Variants in DPP6 observed in about 807,000 individuals in gnomAD.
The protein encoded by DPP6 is dipeptidyl peptidase like 6.
DPP6 carries 69 observed loss-of-function variants against 122.6 expected under a neutral mutation model. That is an observed-to-expected ratio of 0.56 (90% confidence interval 0.46 to 0.69). The LOEUF (loss-of-function observed/expected upper bound fraction) is 0.69, where lower values mean the gene tolerates loss of function less well. DPP6 is among the 30% of genes least tolerant of loss of function. DPP6 has a pLI of 0.00. For synonymous variants in DPP6, 418 were observed against 433.1 expected, an observed-to-expected ratio of 0.97 and a Z score of 0.43; for missense variants, 928 against 1,116.9, an observed-to-expected ratio of 0.83 and a Z score of 2.41.
chr7:153,884,578 CAT>C (rs1475756502), upstream of DPP6, among the ~76,000 whole-genome samples: 8 of 152,226 alleles, frequency 5.3e-5, no homozygotes, highest in Non-Finnish European at 7.3e-5. Context: ...CACATGCACA[CAT>C]ATGTTTATTG....
chr7:154,824,251 T>C (rs1799990514), intron 16 of DPP6, among the ~76,000 whole-genome samples: 2 of 53,622 alleles, frequency 3.7e-5, no homozygotes, highest in Admixed American at 3.7e-4. Context: ...GGAATGTTTT[T>C]GTTGTTGTTG....
At chr7:154,722,426 A>G (rs1193849232) in intron 7 of DPP6, among the ~76,000 whole-genome samples, 1 of 152,200 alleles carries the variant, frequency 6.6e-6, no homozygotes, top group Non-Finnish European at 1.5e-5. Context: ...CTAACCCTGA[A>G]TCATGGGACC....
At chr7:154,826,578 C>G (rs1309323917) in intron 16 of DPP6, among the ~76,000 whole-genome samples, 1 of 152,202 alleles carries the variant, frequency 6.6e-6, no homozygotes, top group Non-Finnish European at 1.5e-5. Flanking sequence ...TTTCTATGTG[C>G]TAGAGCTACA....
chr7:154,771,397 G>A (rs904721846), intron 9 of DPP6, among the ~76,000 whole-genome samples: 19 of 152,286 alleles, frequency 1.2e-4, no homozygotes, highest in South Asian at 2.1e-4. Context: ...CCGCCTTCTC[G>A]CCATGTCTTC....
At chr7:154,470,817 C>G (rs949837131) in intron 2 of DPP6, among the ~76,000 whole-genome samples, 1 of 152,186 alleles carries the variant, frequency 6.6e-6, no homozygotes, top group Non-Finnish European at 1.5e-5. Context: ...GGGATGAAAT[C>G]CAAACAGTGA....
rs138553815 is a variant in DPP6, at chr7:154,150,985, GA to G, written c.243+97923del. ...TTCCTAGATAGCTGCTTCCTGCCGG[GA>G]CTCCGTGATCTTGTCTGCAATGGGT... On this transcript the variant is annotated intron_variant, in intron 1 of 25. Transcript: ENST00000377770. Among the ~76,000 whole-genome samples the G allele has an allele frequency of 8.4e-3, 1,281 of 152,246 alleles. 18 individuals carry two copies. The highest frequency in any genetic ancestry group is 0.029 in the African/African-American group (1,193 of 41,542).
chr7:154,016,561 G>A (rs1320740187), intron 1 of DPP6, among the ~76,000 whole-genome samples: 11 of 152,188 alleles, frequency 7.2e-5, no homozygotes, highest in African/African-American at 2.2e-4. Flanking sequence ...CCAGGAATTC[G>A]AGACCAGCTT....
intron 10 of DPP6, among the ~76,000 whole-genome samples, chr7:154,777,555 T>C (rs1796659096): frequency 1.3e-5 from 2 of 152,188 alleles, no homozygotes; most frequent in Admixed American, 1.3e-4. Context: ...CCAGCTGCAC[T>C]GATAAAACAA....
chr7:153,797,896 C>T, the DPP6 span, among the ~76,000 whole-genome samples: 335 of 152,152 alleles, frequency 2.2e-3, 1 homozygote, highest in African/African-American at 7.8e-3. Context: ...AGCTGGAGTG[C>T]GGTGGCGAGA....
At position 154,305,281 on chromosome 7, in the gene DPP6, C is replaced by G. The variant is rs541853566; in HGVS notation, c.244-140933C>G. The G allele has an allele frequency of 2.3e-6, 3 of 1,310,226 alleles. No homozygotes were observed. The African/African-American group carries it at 4.5e-5, about 19-fold the overall frequency. The allele number at this position is 1,310,226 out of a possible 1,614,324, so 81.2% of individuals were successfully genotyped here. A position where few individuals can be genotyped will look rare whatever the true frequency, so the allele number is the denominator to read the frequency against. On this transcript the variant is annotated intron_variant, in intron 1 of 25. Transcript: ENST00000377770. ...AGCCCCACTAAGCAGCGGCAGCTTC[C>G]TGCTTCGGATCCTCTCTCTGCTGCT...
intron 1 of DPP6, among the ~76,000 whole-genome samples, chr7:154,396,399 A>T (rs2151176181): frequency 6.6e-6 from 1 of 152,240 alleles, no homozygotes; most frequent in East Asian, 1.9e-4. Flanking sequence ...CAGGACCCTT[A>T]TTCTAATACT....
chr7:153,890,276 G>T (rs889741570), intron 1 of DPP6, among the ~76,000 whole-genome samples: 1 of 152,218 alleles, frequency 6.6e-6, no homozygotes, highest in African/African-American at 2.4e-5. Context: ...CGCATTTGAG[G>T]TTTGATATTT....
chr7:154,663,714 T>G (rs1563076831), intron 6 of DPP6, among the ~76,000 whole-genome samples: 1 of 56,188 alleles, frequency 1.8e-5, no homozygotes, highest in African/African-American at 3.8e-5. Flanking sequence ...AGTGTTCATA[T>G]AGTCATGGTG....
chr7:154,321,642 G>A (rs1265771973), intron 1 of DPP6, among the ~76,000 whole-genome samples: 5 of 151,656 alleles, frequency 3.3e-5, no homozygotes, highest in Non-Finnish European at 5.9e-5. Context: ...AAAATTAGCC[G>A]GGCATAGTGG....
intron 1 of DPP6, among the ~76,000 whole-genome samples, chr7:154,380,684 T>C (rs1813518673): frequency 6.6e-6 from 1 of 152,136 alleles, no homozygotes. Flanking sequence ...CTTCACACAT[T>C]CCCCTGGTAC....
chr7:154,066,657 C>T (rs1802753435), intron 1 of DPP6, among the ~76,000 whole-genome samples: 3 of 151,066 alleles, frequency 2.0e-5, no homozygotes, highest in South Asian at 4.2e-4. Flanking sequence ...GTGAGAGTCT[C>T]ATGTAAAAGG....
rs931015740 is a variant in DPP6, at chr7:154,354,036, C to T, written c.244-92178C>T. Among the ~76,000 whole-genome samples, 4 of 152,268 alleles carry T rather than the reference C, an allele frequency of 2.6e-5. No individual in the cohort carries two copies. In the East Asian group the frequency reaches 5.8e-4, roughly 22 times the overall value. On this transcript the variant is annotated intron_variant, in intron 1 of 25. Coordinates refer to ENST00000377770, the MANE Select transcript of DPP6 (RefSeq NM_130797.4). ...GCCATGTGTCAAGCACTGTGCTAAG[C>T]CCAGGGGATTAAGAGCAACAGGCAA...
At chr7:154,111,172 T>G (rs1020337152) in intron 1 of DPP6, among the ~76,000 whole-genome samples, 5 of 152,136 alleles carry the variant, frequency 3.3e-5, no homozygotes, top group African/African-American at 1.2e-4. Context: ...TGTTGTTATT[T>G]GTGATTATTG....
chr7:154,616,786 C>G (rs1374239018), intron 5 of DPP6, among the ~76,000 whole-genome samples: 2 of 152,190 alleles, frequency 1.3e-5, no homozygotes, highest in African/African-American at 4.8e-5. Context: ...CTCCAGGGAA[C>G]CACAGTGACG....
Sources: gnomAD v4.1 joint callset for allele counts (sites outside exome capture counted in the v4.1 genomes callset) on GRCh38, gnomAD v4.1.1 for gene constraint, MANE v1.5 for transcripts, NCBI Gene and HGNC (gene_info 2026-07-23, HGNC 2026-07-21) for gene names.